Variants in CTTNBP2 observed in about 807,000 individuals in gnomAD.
CTTNBP2 encodes cortactin binding protein 2, also known as cortactin-binding protein 2.
A neutral mutation model predicts 156.9 loss-of-function variants in CTTNBP2; 108 were observed. The ratio of observed to expected loss-of-function variants is 0.69; its 90% CI spans 0.59 to 0.81. CTTNBP2 has a LOEUF of 0.81. Ranked by LOEUF, CTTNBP2 falls within the 30% of genes least tolerant of loss-of-function variation. The pLI, the probability that CTTNBP2 is intolerant of heterozygous loss-of-function variation, is 0.00. For synonymous variants in CTTNBP2, 767 were observed against 751.8 expected (o/e 1.02, Z -0.33); for missense variants, 1,924 against 2,035.4 (o/e 0.95, Z 1.05).
chr7:117,835,939 C>T (rs1222401717), intron 2 of CTTNBP2, among the ~76,000 whole-genome samples: 2 of 152,140 alleles, frequency 1.3e-5, no homozygotes, highest in African/African-American at 4.8e-5. Context: ...ATAATACCTA[C>T]AACTAATACC....
At position 117,797,693 on chromosome 7, in the gene CTTNBP2, TGAGA is replaced by T. The variant is rs1357296757; in HGVS notation, c.415-4916_415-4913del. ...CACTGAATGGGCTTAATAGCAGATTTGAGAGAGCAGAAGAAAAATAATAATTAAT... is the reference window on the plus strand; with the variant it reads ...CACTGAATGGGCTTAATAGCAGATTTGAGCAGAAGAAAAATAATAATTAAT... On this transcript the variant is annotated intron_variant, in intron 3 of 22. Transcript: ENST00000160373. Among the ~76,000 whole-genome samples the T allele has an allele frequency of 2.6e-5, 4 of 152,192 alleles. No individual in the cohort carries two copies. The South Asian group carries it at 8.3e-4, about 32-fold the overall frequency.
intron 9 of CTTNBP2, among the ~76,000 whole-genome samples, chr7:117,765,391 C>T (rs1797432972): frequency 6.6e-6 from 1 of 152,172 alleles, no homozygotes; most frequent in Non-Finnish European, 1.5e-5. Context: ...CACTCTTTTG[C>T]ACTCAGGTAT....
intron 14 of CTTNBP2, among the ~76,000 whole-genome samples, chr7:117,743,581 G>A (rs555950715): frequency 6.6e-6 from 1 of 151,846 alleles, no homozygotes; most frequent in South Asian, 2.1e-4. Flanking sequence ...GGCCTACATG[G>A]TGAAACCCCG....
At chr7:117,776,654 T>TCC (rs1798118642) in intron 8 of CTTNBP2, among the ~76,000 whole-genome samples, 5 of 152,210 alleles carry the variant, frequency 3.3e-5, no homozygotes, top group Admixed American at 3.3e-4. Flanking sequence ...AATTTCCACC[T>TCC]CCTCCAGAAT....
At position 117,873,420 on chromosome 7, in the gene CTTNBP2, C is replaced by G; in HGVS notation, c.-5G>C. 1 of 1,498,284 alleles carries G rather than the reference C, an allele frequency of 6.7e-7. No homozygotes were observed. Among genetic ancestry groups the G allele is most frequent in the Non-Finnish European group, 8.8e-7 (1 of 1,131,198 alleles). 92.8% of individuals were successfully genotyped at this position (1,498,284 alleles called of 1,614,324 possible). On this transcript the variant is annotated 5_prime_UTR_variant, in exon 1 of 23. Transcript: ENST00000160373. ...GCTCGCGCCGTCCGTCGCCATCTTC[C>G]TGCTCTAGCGGATCCGAATGCGAGC... is the stretch of plus-strand genomic sequence containing the variant.
chr7:117,828,954 A>C (rs762359606), intron 2 of CTTNBP2, among the ~76,000 whole-genome samples: 2 of 152,250 alleles, frequency 1.3e-5, no homozygotes, highest in Non-Finnish European at 2.9e-5. Flanking sequence ...CCCAAGACAG[A>C]TGCTAATCAT....
chr7:117,847,871 G>A (rs1802696342), intron 2 of CTTNBP2, among the ~76,000 whole-genome samples: 1 of 137,488 alleles, frequency 7.3e-6, no homozygotes, highest in Non-Finnish European at 1.5e-5. Flanking sequence ...CTTGCCGGAG[G>A]GCAGTGGTGT....
intron 2 of CTTNBP2, among the ~76,000 whole-genome samples, chr7:117,819,017 C>A (rs540724688): frequency 1.3e-5 from 2 of 152,228 alleles, no homozygotes; most frequent in South Asian, 2.1e-4. Context: ...AGGTCCTTGG[C>A]TTCTAAACTG....
At chr7:117,826,826 CATTATTATTATT>C (rs71984775) in intron 2 of CTTNBP2, among the ~76,000 whole-genome samples, 29,105 of 140,100 alleles carry the variant, frequency 0.21, 3,222 homozygotes, top group Middle Eastern at 0.29. Context: ...TTCTACTGAG[CATTATTATTATT>C]ATTATTATTA....
At chr7:117,796,042 T>C (rs987545346) in intron 3 of CTTNBP2, among the ~76,000 whole-genome samples, 12 of 152,188 alleles carry the variant, frequency 7.9e-5, no homozygotes, top group Non-Finnish European at 1.8e-4. Context: ...TACAGACTCC[T>C]TTATCAAAAA....
intron 1 of CTTNBP2, among the ~76,000 whole-genome samples, chr7:117,869,046 T>C (rs1430959278): frequency 6.6e-6 from 1 of 152,194 alleles, no homozygotes; most frequent in African/African-American, 2.4e-5. Context: ...CTCTTATTAT[T>C]GGAAGGATGC....
intron 19 of CTTNBP2, among the ~76,000 whole-genome samples, chr7:117,722,751 A>G: frequency 6.6e-6 from 1 of 152,192 alleles, no homozygotes; most frequent in East Asian, 1.9e-4. Context: ...TGACACAGTG[A>G]AGAGCCTCAA....
At chr7:117,844,480 T>A (rs965812613) in intron 2 of CTTNBP2, among the ~76,000 whole-genome samples, 4 of 152,152 alleles carry the variant, frequency 2.6e-5, no homozygotes, top group African/African-American at 9.7e-5. Context: ...ATTATTTTTT[T>A]CCTGAAAACT....
intron 11 of CTTNBP2, 100 bp from the exon 12 acceptor site, chr7:117,756,734 G>C: frequency 1.2e-6 from 1 of 845,480 alleles, no homozygotes; most frequent in Non-Finnish European, 2.0e-6. Flanking sequence ...TGTGTTTGTT[G>C]ACTTATGTAG....
intron 18 of CTTNBP2, 145 bp downstream of exon 18, chr7:117,724,907 C>T: frequency 2.0e-6 from 2 of 1,008,676 alleles, no homozygotes; most frequent in Non-Finnish European, 1.5e-6. Context: ...AAACATTAAC[C>T]AGTAATTAAA....
Position 117,768,581 on chromosome 7 carries a change from A to AAAAAAAAAAAAAAG in CTTNBP2, c.2779-1406_2779-1405insCTTTTTTTTTTTTT, listed in dbSNP as rs1554419704. On this transcript the variant is annotated intron_variant, in intron 8 of 22. Transcript: ENST00000160373. ...ACTCTGTCTCAAAAAAAAAAAAAAAAAAAGAAAGAAAGAAAGAAAGAAATA... is the reference window on the plus strand; with the variant it reads ...ACTCTGTCTCAAAAAAAAAAAAAAAAAAAAAAAAAAAAAGAAAGAAAGAAAGAAAGAAAGAAATA... 6.5e-4 allele frequency among the ~76,000 whole-genome samples: 64 copies of AAAAAAAAAAAAAAG among 99,116 alleles called. 1 individual carries two copies. The highest frequency in any genetic ancestry group is 1.3e-3 in the African/African-American group (28 of 20,998). The allele number at this position is 99,116 out of a possible 152,430, so 65.0% of individuals were successfully genotyped here. A position where few individuals can be genotyped will look rare whatever the true frequency, so the allele number is the denominator to read the frequency against.
intron 9 of CTTNBP2, among the ~76,000 whole-genome samples, chr7:117,765,678 T>C (rs376165455): frequency 6.6e-6 from 1 of 152,276 alleles, no homozygotes; most frequent in Admixed American, 6.5e-5. Flanking sequence ...TCTCATTATA[T>C]ACCATTTCCC....
intron 3 of CTTNBP2, among the ~76,000 whole-genome samples, chr7:117,801,057 C>T (rs1173301132): frequency 2.0e-5 from 3 of 152,050 alleles, no homozygotes; most frequent in Non-Finnish European, 4.4e-5. Context: ...AAGTTTTGAA[C>T]TCATCAAATA....
chr7:117,805,172 G>T (rs1799856357), intron 3 of CTTNBP2, among the ~76,000 whole-genome samples: 1 of 152,026 alleles, frequency 6.6e-6, no homozygotes, highest in Non-Finnish European at 1.5e-5. Flanking sequence ...TCTAAACTTT[G>T]GGATATTCTC....
Sources: allele counts gnomAD v4.1 joint callset (sites outside exome capture counted in the v4.1 genomes callset), GRCh38; gene constraint gnomAD v4.1.1; transcripts MANE v1.5; gene names NCBI Gene and HGNC (gene_info 2026-07-23, HGNC 2026-07-21).